PAK3: variants seen among roughly 807,000 people sequenced by gnomAD.
PAK3 encodes p21 (RAC1) activated kinase 3, also known as serine/threonine-protein kinase PAK 3.
Under a neutral mutation model 41.0 loss-of-function variants are expected in PAK3, and 4 were observed. The ratio of observed to expected loss-of-function variants is 0.10; its 90% CI spans 0.05 to 0.22. The LOEUF is 0.22. Ranked by LOEUF, PAK3 falls within the 10% of genes least tolerant of loss-of-function variation. The pLI is 1.00. For missense variants in PAK3, 205 were observed against 409.9 expected, an observed-to-expected ratio of 0.50 and a Z score of 4.32; for synonymous variants, 146 against 139.6, an observed-to-expected ratio of 1.05 and a Z score of -0.32.
At chrX:111,029,842 A>T (rs971150983) in intron 1 of PAK3, among the ~76,000 whole-genome samples, 1 of 112,172 alleles carries the variant, frequency 8.9e-6, no homozygotes, top group Non-Finnish European at 1.9e-5. Context: ...AACAACAAGG[A>T]TCACTTTTTA....
intron 1 of PAK3, among the ~76,000 whole-genome samples, chrX:110,992,018 T>A (rs1222095600): frequency 9.0e-6 from 1 of 111,303 alleles, no homozygotes; most frequent in African/African-American, 3.3e-5. Context: ...TATCTTCAGA[T>A]GGGGTGATAA....
intron 4 of PAK3, among the ~76,000 whole-genome samples, chrX:111,107,524 G>A (rs746056148): frequency 8.9e-6 from 1 of 112,024 alleles, no homozygotes; most frequent in African/African-American, 3.2e-5. Flanking sequence ...TGGATCAGGA[G>A]CCTGGTGCAA....
At chrX:111,053,491 G>C (rs1044942243) in intron 1 of PAK3, among the ~76,000 whole-genome samples, 2 of 111,782 alleles carry the variant, frequency 1.8e-5, no homozygotes, top group African/African-American at 6.5e-5. Flanking sequence ...AACGATTCTA[G>C]AGTACTGACT....
At chrX:111,179,031 A>G (rs1196300729) in intron 11 of PAK3, among the ~76,000 whole-genome samples, 1 of 105,538 alleles carries the variant, frequency 9.5e-6, no homozygotes, top group African/African-American at 3.4e-5. Flanking sequence ...ATATATATAT[A>G]TGGTTGAAAG....
intron 6 of PAK3, among the ~76,000 whole-genome samples, chrX:111,144,488 C>A (rs2093917064): frequency 9.0e-6 from 1 of 111,224 alleles, no homozygotes; most frequent in Admixed American, 9.6e-5. Context: ...TTATAAAAAG[C>A]TTTTAAGAAA....
intron 5 of PAK3, among the ~76,000 whole-genome samples, chrX:111,125,654 T>A (rs936028662): frequency 6.3e-5 from 7 of 111,640 alleles, no homozygotes; most frequent in African/African-American, 2.0e-4. Flanking sequence ...TCAAACATAA[T>A]CATATTGGAC....
intron 1 of PAK3, among the ~76,000 whole-genome samples, chrX:110,951,535 A>G (rs1298379448): frequency 8.9e-6 from 1 of 112,039 alleles, no homozygotes; most frequent in Non-Finnish European, 1.9e-5. Flanking sequence ...TACAGTGTAT[A>G]CAAGTACATT....
Position 111,035,524 on chromosome X carries a change from G to T in PAK3, c.-27-87553G>T, listed in dbSNP as rs1057453818. 7.5e-4 allele frequency among the ~76,000 whole-genome samples: 84 copies of T among 111,951 alleles called. 1 individual carries two copies. Among genetic ancestry groups the T allele is most frequent in the African/African-American group, 2.7e-3 (82 of 30,745 alleles). On this transcript the variant is annotated intron_variant, in intron 1 of 14. Coordinates refer to the PAK3 transcript ENST00000425146. ...CTGGCATGAGAGCAGGGTGGAAGTG[G>T]TGTGGTGTGCCAGCAGGCAGAGGCT...
intron 14 of PAK3, among the ~76,000 whole-genome samples, chrX:111,195,183 T>A (rs920992969): frequency 1.8e-5 from 2 of 111,777 alleles, no homozygotes; most frequent in Non-Finnish European, 3.8e-5. Context: ...GCTTTTTTTT[T>A]ATAAGTTGTT....
chrX:110,968,181 CATA>C, intron 1 of PAK3, among the ~76,000 whole-genome samples: 1 of 112,601 alleles, frequency 8.9e-6, no homozygotes, highest in African/African-American at 3.2e-5. Flanking sequence ...TTTATTGCTG[CATA>C]GCATTTCATG....
intron 1 of PAK3, among the ~76,000 whole-genome samples, chrX:111,036,698 C>A (rs188981467): frequency 1.3e-3 from 143 of 112,063 alleles, no homozygotes; most frequent in Non-Finnish European, 1.0e-3. Flanking sequence ...TTACAGAAAT[C>A]TTGTCCAATT....
intron 1 of PAK3, among the ~76,000 whole-genome samples, chrX:111,051,023 T>C (rs1384031740): frequency 9.0e-6 from 1 of 111,506 alleles, no homozygotes; most frequent in East Asian, 2.8e-4. Context: ...TTCATAGCTA[T>C]AGGAAATGGA....
chrX:111,060,227 A>G (rs1165191649), intron 1 of PAK3, among the ~76,000 whole-genome samples: 1 of 112,057 alleles, frequency 8.9e-6, no homozygotes, highest in Non-Finnish European at 1.9e-5. Context: ...GTGATGTATT[A>G]CATTAATTGA....
At chrX:111,106,506 A>G (rs1269785213) in intron 4 of PAK3, among the ~76,000 whole-genome samples, 3 of 111,369 alleles carry the variant, frequency 2.7e-5, no homozygotes, top group Non-Finnish European at 5.7e-5. Context: ...AGACTCTCAC[A>G]TGAACACGTT....
At chrX:111,082,114 G>A (rs2092839615) in intron 1 of PAK3, among the ~76,000 whole-genome samples, 1 of 112,065 alleles carries the variant, frequency 8.9e-6, no homozygotes, top group Admixed American at 9.5e-5. Context: ...GAAGGCTTTT[G>A]GCTGTCGTGG....
intron 1 of PAK3, among the ~76,000 whole-genome samples, chrX:110,972,004 T>C (rs187045151): frequency 2.4e-3 from 272 of 111,252 alleles, no homozygotes; most frequent in African/African-American, 8.6e-3. Context: ...AGTTCATTTC[T>C]AGACTCTCAA....
intron 10 of PAK3, among the ~76,000 whole-genome samples, chrX:111,166,457 G>A (rs2094256632): frequency 9.0e-6 from 1 of 110,826 alleles, no homozygotes. Context: ...GCGCCACCAT[G>A]CCCAGCTAAA....
At chrX:111,025,729 T>A (rs758299032) in intron 1 of PAK3, among the ~76,000 whole-genome samples, 1 of 109,877 alleles carries the variant, frequency 9.1e-6, no homozygotes, top group Non-Finnish European at 1.9e-5. Context: ...GAAGAATTGG[T>A]ACCAATCCTA....
chrX:111,160,697 A>G (rs1225797502), intron 8 of PAK3, among the ~76,000 whole-genome samples: 2 of 102,983 alleles, frequency 1.9e-5, no homozygotes, highest in African/African-American at 6.9e-5. Context: ...ATTCCCACCT[A>G]TGAGTGAGAA....
Sources: gnomAD v4.1 joint callset for allele counts (sites outside exome capture counted in the v4.1 genomes callset) on GRCh38, gnomAD v4.1.1 for gene constraint, MANE v1.5 for transcripts, NCBI Gene and HGNC (gene_info 2026-07-23, HGNC 2026-07-21) for gene names.